Variants in IQCJ observed in about 807,000 individuals in gnomAD.
IQCJ encodes the protein IQ motif containing J.
In IQCJ, 9 loss-of-function variants were observed where a neutral mutation model predicts 11.0. The ratio of observed to expected loss-of-function variants is 0.82; its 90% CI spans 0.49 to 1.43. The LOEUF (loss-of-function observed/expected upper bound fraction) is 1.43. Ranked by LOEUF, IQCJ falls within the 40% of genes most tolerant of loss-of-function variation. The pLI, the probability that IQCJ is intolerant of heterozygous loss-of-function variation, is 0.00. For synonymous variants in IQCJ, 55 were observed against 51.3 expected (o/e 1.07, Z -0.31); for missense variants, 146 against 133.2 (o/e 1.10, Z -0.47).
chr3:159,153,344 C>G (rs768017635), intron 1 of IQCJ, among the ~76,000 whole-genome samples: 3 of 152,162 alleles, frequency 2.0e-5, no homozygotes, highest in African/African-American at 7.2e-5. Context: ...TCTGTTTCCT[C>G]TATACAATAT....
At chr3:159,165,089 T>C (rs1487912502) in intron 1 of IQCJ, among the ~76,000 whole-genome samples, 1 of 150,588 alleles carries the variant, frequency 6.6e-6, no homozygotes, top group Non-Finnish European at 1.5e-5. Flanking sequence ...AAACTAAAAG[T>C]AGGAATTTTA....
chr3:159,081,699 C>T (rs1160171908), intron 1 of IQCJ, among the ~76,000 whole-genome samples: 1 of 152,048 alleles, frequency 6.6e-6, no homozygotes, highest in African/African-American at 2.4e-5. Flanking sequence ...TCTAACTCTT[C>T]TTCACAGTCC....
chr3:159,074,281 G>A (rs1048727716), intron 1 of IQCJ, among the ~76,000 whole-genome samples: 2 of 151,808 alleles, frequency 1.3e-5, no homozygotes, highest in Non-Finnish European at 2.9e-5. Flanking sequence ...GAAGAAATGA[G>A]GTCTTGAGTT....
chr3:159,087,402 G>A (rs1379353455), intron 1 of IQCJ, among the ~76,000 whole-genome samples: 8 of 145,034 alleles, frequency 5.5e-5, no homozygotes, highest in Admixed American at 1.4e-4. Flanking sequence ...GTCTCTGCCT[G>A]GCTTTGGTAT....
chr3:159,124,580 C>A (rs1719562865), intron 1 of IQCJ, among the ~76,000 whole-genome samples: 1 of 152,136 alleles, frequency 6.6e-6, no homozygotes, highest in African/African-American at 2.4e-5. Context: ...GCCATCATAG[C>A]ACCCTATGAC....
intron 1 of IQCJ, among the ~76,000 whole-genome samples, chr3:159,112,805 AC>A (rs1718718406): frequency 6.6e-6 from 1 of 152,186 alleles, no homozygotes; most frequent in Non-Finnish European, 1.5e-5. Flanking sequence ...AGCCCAGATT[AC>A]TAGCTTCCTT....
At chr3:159,145,702 C>T (rs1308437881) in intron 1 of IQCJ, among the ~76,000 whole-genome samples, 11 of 151,932 alleles carry the variant, frequency 7.2e-5, no homozygotes, top group Non-Finnish European at 4.4e-5. Flanking sequence ...GTCCATTCTT[C>T]CATTCAAAAA....
intron 1 of IQCJ, among the ~76,000 whole-genome samples, chr3:159,087,790 C>G (rs1468465965): frequency 1.3e-5 from 2 of 151,670 alleles, no homozygotes. Flanking sequence ...TTTATTGCAT[C>G]TATTTGAGTC....
At chr3:159,133,496 CT>C (rs1720113553) in intron 1 of IQCJ, among the ~76,000 whole-genome samples, 2 of 152,146 alleles carry the variant, frequency 1.3e-5, no homozygotes, top group South Asian at 4.2e-4. Context: ...AAATAAAAAC[CT>C]TTCATTTTAA....
At chr3:159,125,351 A>G (rs1465022393) in intron 1 of IQCJ, among the ~76,000 whole-genome samples, 1 of 152,220 alleles carries the variant, frequency 6.6e-6, no homozygotes, top group East Asian at 1.9e-4. Flanking sequence ...ACCTAAGGAG[A>G]CATGATGGCT....
At chr3:159,158,295 C>T (rs1341656022) in intron 1 of IQCJ, among the ~76,000 whole-genome samples, 1 of 152,168 alleles carries the variant, frequency 6.6e-6, no homozygotes, top group East Asian at 1.9e-4. Flanking sequence ...AGGCCAGTGA[C>T]AGCTGCAGTG....
chr3:159,195,110 C>CA (rs112153859), intron 1 of IQCJ, among the ~76,000 whole-genome samples: 88,985 of 146,822 alleles, frequency 0.61, 26,619 homozygotes, highest in South Asian at 0.76. Context: ...GACTCTGTCT[C>CA]AAAAAAAAAA....
intron 2 of IQCJ, among the ~76,000 whole-genome samples, chr3:159,251,656 A>G (rs112314439): frequency 0.013 from 2,009 of 152,182 alleles, 40 homozygotes; most frequent in African/African-American, 0.046. Flanking sequence ...TACCACATGC[A>G]CAAGTACTGA....
chr3:159,114,322 T>C (rs1201564626), intron 1 of IQCJ, among the ~76,000 whole-genome samples: 1 of 151,710 alleles, frequency 6.6e-6, no homozygotes, highest in Non-Finnish European at 1.5e-5. Flanking sequence ...TGTTTTTTTT[T>C]TTTTCTGAGA....
At chr3:159,258,225 A>C (rs948219042) in intron 3 of IQCJ, among the ~76,000 whole-genome samples, 1 of 152,166 alleles carries the variant, frequency 6.6e-6, no homozygotes, top group Admixed American at 6.5e-5. Flanking sequence ...TTTCAGCTCT[A>C]CTTGCTGAAA....
intron 1 of IQCJ, among the ~76,000 whole-genome samples, chr3:159,133,663 T>G (rs564755592): frequency 1.3e-5 from 2 of 152,278 alleles, no homozygotes; most frequent in African/African-American, 4.8e-5. Context: ...AGGAACATTT[T>G]ATAGTTCGCT....
intron 1 of IQCJ, among the ~76,000 whole-genome samples, chr3:159,145,790 G>A (rs955232382): frequency 2.0e-5 from 3 of 152,114 alleles, no homozygotes; most frequent in African/African-American, 7.2e-5. Flanking sequence ...TAACAAATAT[G>A]TTTTGGGCAT....
At chr3:159,245,365 C>A (rs1461453914) in intron 1 of IQCJ, among the ~76,000 whole-genome samples, 1 of 150,996 alleles carries the variant, frequency 6.6e-6, no homozygotes, top group Non-Finnish European at 1.5e-5. Context: ...AAAAGTCACA[C>A]AATTTGAGTG....
At chr3:159,162,665 T>C (rs1721932171) in intron 1 of IQCJ, among the ~76,000 whole-genome samples, 1 of 152,090 alleles carries the variant, frequency 6.6e-6, no homozygotes, top group Non-Finnish European at 1.5e-5. Context: ...ACAAAATTGA[T>C]AGACCACTAG....
Sources: gnomAD v4.1 joint callset for allele counts (sites outside exome capture counted in the v4.1 genomes callset) on GRCh38, gnomAD v4.1.1 for gene constraint, MANE v1.5 for transcripts, NCBI Gene and HGNC (gene_info 2026-07-23, HGNC 2026-07-21) for gene names.